Variants in PNKD observed in about 807,000 individuals in gnomAD.
The protein encoded by PNKD is probable thioesterase PNKD.
Under a neutral mutation model 45.3 loss-of-function variants are expected in PNKD, and 36 were observed. That is an observed-to-expected ratio of 0.80 (90% CI 0.61 to 1.05). The LOEUF is 1.05. Ranked by LOEUF, PNKD falls within the 50% of genes least tolerant of loss-of-function variation. The pLI, the probability that PNKD is intolerant of heterozygous loss-of-function variation, is 0.00. For synonymous variants in PNKD, 197 were observed against 210.1 expected (o/e 0.94, Z 0.54); for missense variants, 511 against 506.6 (o/e 1.01, Z -0.08).
At chr2:218,293,654 C>T (rs1236687228) in intron 2 of PNKD, among the ~76,000 whole-genome samples, 3 of 145,720 alleles carry the variant, frequency 2.1e-5, no homozygotes, top group Admixed American at 7.1e-5. Context: ...GGCGCCATCT[C>T]GGCTCACTGC....
intron 2 of PNKD, chr2:218,281,984 T>TAGCC (rs1397468676): frequency 1.2e-6 from 2 of 1,606,308 alleles, no homozygotes; most frequent in Non-Finnish European, 1.7e-6. Flanking sequence ...GGGCTGTGGG[T>TAGCC]AGCCAGCAGG....
At chr2:218,279,531 G>C (rs4674283) in intron 2 of PNKD, 1 of 549,956 alleles carries the variant, frequency 1.8e-6, no homozygotes, top group South Asian at 2.5e-5. Flanking sequence ...CCTCAGCCCC[G>C]CTCCCATGCT....
intron 2 of PNKD, chr2:218,279,592 G>GCC: frequency 2.0e-6 from 1 of 508,398 alleles, no homozygotes; most frequent in South Asian, 2.8e-5. Context: ...CTACTGACTT[G>GCC]CCCTGCCTGG....
chr2:218,272,995 G>A, intron 2 of PNKD: 3 of 1,314,202 alleles, frequency 2.3e-6, no homozygotes, highest in Non-Finnish European at 3.0e-6. Context: ...GCAGAGGGTG[G>A]GGCTGGTTAC....
At chr2:218,282,784 AG>A (rs1239265703) in intron 2 of PNKD, among the ~76,000 whole-genome samples, 5 of 152,226 alleles carry the variant, frequency 3.3e-5, no homozygotes, top group Non-Finnish European at 7.4e-5. Context: ...GGCCAGTGGC[AG>A]GCTGAGTCAG....
chr2:218,340,220 C>G lies in PNKD; in HGVS notation c.465+79C>G. 1 of 870,546 alleles carries G rather than the reference C, an allele frequency of 1.1e-6. No individual in the cohort carries two copies. Among genetic ancestry groups the G allele is most frequent in the Non-Finnish European group, 1.9e-6 (1 of 514,966 alleles). 53.9% of individuals were successfully genotyped at this position (870,546 alleles called of 1,614,324 possible). On this transcript the variant is annotated intron_variant, in intron 4 of 9. Coordinates refer to ENST00000273077, the MANE Select transcript of PNKD (RefSeq NM_015488.5). The surrounding 1 kb of genome is among the most constrained non-coding windows in gnomAD (Gnocchi z 4.2). ...GTTTCGCCTTGCTAGAGAGGGCTGA[C>G]CCTTGTCCGTCTGCCCGTGGGATGT...
At chr2:218,311,798 C>G (rs574268561) in intron 2 of PNKD, among the ~76,000 whole-genome samples, 25 of 152,258 alleles carry the variant, frequency 1.6e-4, no homozygotes, top group African/African-American at 5.5e-4. Context: ...CTCCTCAGCA[C>G]AGACCCTTTA....
At position 218,339,775 on chromosome 2, in the gene PNKD, C is replaced by T. The variant is rs1694613329; in HGVS notation, c.237-8C>T. On this transcript the variant is annotated splice_polypyrimidine_tract_variant and splice_region_variant and intron_variant, in intron 2 of 9. Transcript: ENST00000273077. Reference sequence around the variant, plus strand: ...AGGCTAATCATAGGCCACCCACTCGCCCTCTAGGTACAGCCTGTACACCCG... The same window carrying T: ...AGGCTAATCATAGGCCACCCACTCGTCCTCTAGGTACAGCCTGTACACCCG... 1.9e-6 allele frequency: 3 copies of T among 1,588,106 alleles called. No individual in the cohort carries two copies. In the Admixed American group the frequency reaches 5.0e-5, roughly 27 times the overall value.
chr2:218,313,910 T>C (rs1467890378), intron 2 of PNKD, among the ~76,000 whole-genome samples: 4 of 145,690 alleles, frequency 2.7e-5, no homozygotes, highest in Admixed American at 6.9e-5. Flanking sequence ...TTTCTTTTTT[T>C]TTTTTTTTTT....
intron 1 of PNKD, 184 bp from the exon 2 acceptor site, chr2:218,271,197 G>A (rs1197825882): frequency 1.5e-6 from 1 of 658,584 alleles, no homozygotes; most frequent in African/African-American, 1.8e-5. Flanking sequence ...GGCTTCCAAA[G>A]GTGCCACCTC....
intron 2 of PNKD, among the ~76,000 whole-genome samples, chr2:218,294,945 C>T (rs1055014737): frequency 1.3e-5 from 2 of 152,184 alleles, no homozygotes; most frequent in African/African-American, 4.8e-5. Flanking sequence ...GCCCCTTCTC[C>T]AGAAAACACC....
rs887942181 is a variant in PNKD, at chr2:218,339,885, C to G, written c.339C>G (p.Pro113=). 1 of 1,609,332 alleles carries G rather than the reference C, an allele frequency of 6.2e-7. No individual in the cohort carries two copies. Among genetic ancestry groups the G allele is most frequent in the Non-Finnish European group, 8.5e-7 (1 of 1,177,168 alleles). Residue 113 remains proline, a synonymous_variant, in exon 3 of 10, where the codon CCC becomes CCG. Coordinates refer to ENST00000273077, the MANE Select transcript of PNKD (RefSeq NM_015488.5). ...CTAAAGGCCACTCGAAAACCCAGCC[C>G]CGCCTCTTCAATGGTGAGCTCTGAC... is the stretch of plus-strand genomic sequence containing the variant. The part of the protein sequence containing the change: ...RYPKGHSKTQ[P]RLFNGVKVLP...
At chr2:218,291,320 G>A (rs1031692416) in intron 2 of PNKD, among the ~76,000 whole-genome samples, 4 of 152,160 alleles carry the variant, frequency 2.6e-5, no homozygotes, top group African/African-American at 9.7e-5. Context: ...AGAGAGAGGA[G>A]GCAGGTGAGA....
Position 218,276,316 on chromosome 2 carries a change from A to G in PNKD, c.236+4767A>G, listed in dbSNP as rs991177638. On this transcript the variant is annotated intron_variant, in intron 2 of 9. Coordinates refer to ENST00000273077, the MANE Select transcript of PNKD (RefSeq NM_015488.5). The stretch of plus-strand genomic sequence containing the variant: ...TAAAACCAATCTCCAAAGCCAGTCA[A>G]GGTACACAAGTGTCTACTATACTTC... Among the ~76,000 whole-genome samples, 26 of 152,218 alleles carry G rather than the reference A, an allele frequency of 1.7e-4. 1 individual carries two copies. The highest frequency in any genetic ancestry group is 4.6e-4 in the Admixed American group (7 of 15,282).
intron 2 of PNKD, among the ~76,000 whole-genome samples, chr2:218,283,469 A>T: frequency 6.6e-6 from 1 of 152,152 alleles, no homozygotes; most frequent in East Asian, 1.9e-4. Flanking sequence ...GGAAGCCCCT[A>T]GAGGGCCCCT....
chr2:218,339,922 G>A (rs2106292921), intron 3 of PNKD, 24 bp downstream of exon 3: 1 of 1,544,464 alleles, frequency 6.5e-7, no homozygotes. Context: ...GCCCCGGCCA[G>A]CATCCCCCAT....
intron 2 of PNKD, chr2:218,276,047 C>T (rs759934011): frequency 1.2e-6 from 2 of 1,613,054 alleles, no homozygotes; most frequent in South Asian, 2.2e-5. Flanking sequence ...AAATGGCCCC[C>T]AGAGCAGCAT....
intron 2 of PNKD, among the ~76,000 whole-genome samples, chr2:218,336,777 G>A (rs983728072): frequency 3.4e-5 from 5 of 145,038 alleles, no homozygotes; most frequent in African/African-American, 5.1e-5. Flanking sequence ...CACCACACCT[G>A]GCCTTCAATT....
intron 2 of PNKD, among the ~76,000 whole-genome samples, chr2:218,337,871 G>T (rs956817598): frequency 6.6e-6 from 1 of 152,082 alleles, no homozygotes; most frequent in Admixed American, 6.6e-5. Context: ...TTTCAGGGTC[G>T]GGCACGGTGG....
Sources: gnomAD v4.1 joint callset for allele counts (sites outside exome capture counted in the v4.1 genomes callset) on GRCh38, gnomAD v4.1.1 for gene constraint, Gnocchi (gnomAD v3.1) non-coding constraint, MANE v1.5 for transcripts, NCBI Gene and HGNC (gene_info 2026-07-23, HGNC 2026-07-21) for gene names.